The following S100PBP variants were observed in gnomAD, a reference collection of about 807,000 sequenced individuals.
The protein encoded by S100PBP is S100P binding protein.
A neutral mutation model predicts 39.9 loss-of-function variants in S100PBP; 15 were observed. The ratio of observed to expected loss-of-function variants is 0.38; its 90% confidence interval spans 0.25 to 0.58. The LOEUF is 0.58. Ranked by LOEUF, S100PBP falls within the 20% of genes least tolerant of loss-of-function variation. S100PBP has a pLI of 0.70. For synonymous variants in S100PBP, 178 were observed against 180.3 expected (o/e 0.99, Z 0.10); for missense variants, 504 against 487.3 (o/e 1.03, Z -0.32).
At chr1:32,832,213 T>G (rs900432041) in intron 5 of S100PBP, among the ~76,000 whole-genome samples, 2 of 152,158 alleles carry the variant, frequency 1.3e-5, no homozygotes, top group African/African-American at 4.8e-5. Context: ...AGTACCTAGC[T>G]CTAGTAACTA....
At position 32,826,221 on chromosome 1, in the gene S100PBP, T is replaced by C; in HGVS notation, c.122T>C (p.Leu41Pro). ...GGATTGGATGACTCCTTGCTGGAGC[T>C]GTCAGAGGGAGAAGAAGATGATGGT... is the stretch of plus-strand genomic sequence containing the variant. ...EDGLDDSLLE[L>P]SEGEEDDGDV... The change falls in exon 3 of 7, where the codon CTG becomes CCG. Residue 41 changes from leucine to proline, a missense_variant. Coordinates refer to ENST00000373475, the MANE Select transcript of S100PBP (RefSeq NM_022753.4). The C allele has an allele frequency of 6.2e-7, 1 of 1,614,142 alleles. No individual in the cohort carries two copies. The highest frequency in any genetic ancestry group is 8.5e-7 in the Non-Finnish European group (1 of 1,180,014).
chr1:32,829,903 A>G, intron 4 of S100PBP, 61 bp from the exon 5 acceptor site: 5 of 1,183,828 alleles, frequency 4.2e-6, no homozygotes, highest in Non-Finnish European at 6.3e-6. Context: ...TCTCTCTACA[A>G]AACGCTATAT....
intron 5 of S100PBP, among the ~76,000 whole-genome samples, chr1:32,838,355 AAAAG>A (rs1161031962): frequency 6.8e-6 from 1 of 147,874 alleles, no homozygotes; most frequent in African/African-American, 2.4e-5. Flanking sequence ...AAAAAAAAAG[AAAAG>A]AAAAGAAACT....
At chr1:32,840,106 T>C (rs1640018069) in intron 5 of S100PBP, among the ~76,000 whole-genome samples, 2 of 152,202 alleles carry the variant, frequency 1.3e-5, no homozygotes, top group Non-Finnish European at 2.9e-5. Flanking sequence ...TGTCTCAGCC[T>C]CCTGAGTAGC....
upstream of S100PBP, chr1:32,817,629 A>G (rs1638797054): frequency 6.6e-6 from 2 of 301,024 alleles, no homozygotes; most frequent in Non-Finnish European, 6.5e-6. Context: ...GGGCGATAAA[A>G]TGGCGCAGGG....
At chr1:32,816,861 C>T (rs1638754548), upstream of S100PBP, 1 of 516,052 alleles carries the variant, frequency 1.9e-6, no homozygotes, top group East Asian at 3.3e-5. Context: ...TTCAGACAAG[C>T]TCTGGCAGGC....
chr1:32,821,767 T>C (rs1002483101), intron 1 of S100PBP, among the ~76,000 whole-genome samples: 3 of 152,092 alleles, frequency 2.0e-5, no homozygotes, highest in Admixed American at 2.0e-4. Context: ...TCTGAATAGC[T>C]GGGGCTACAG....
At chr1:32,817,486 C>T (rs950191989), upstream of S100PBP, 1 of 608,900 alleles carries the variant, frequency 1.6e-6, no homozygotes, top group Non-Finnish European at 2.9e-6. Context: ...GTGGGCGGTG[C>T]GGAGGGCGGG....
rs145828252 is a variant in S100PBP at position 32,839,765 on chromosome 1, C to T, written c.1024+9698C>T. 2.6e-5 allele frequency among the ~76,000 whole-genome samples: 4 copies of T among 152,218 alleles called. No individual in the cohort carries two copies. In the East Asian group the frequency reaches 7.7e-4, roughly 29 times the overall value. The stretch of plus-strand genomic sequence containing the variant: ...GCTCAAACTATCCTCCCACCCCAGC[C>T]TCTTGAGTAACTGGGATTATAGGTG... On this transcript the variant is annotated intron_variant, in intron 5 of 6. Coordinates refer to ENST00000373475, the MANE Select transcript of S100PBP (RefSeq NM_022753.4).
intron 5 of S100PBP, among the ~76,000 whole-genome samples, chr1:32,841,071 G>A (rs909559453): frequency 1.3e-5 from 2 of 151,452 alleles, no homozygotes; most frequent in African/African-American, 4.8e-5. Flanking sequence ...TGAGGCAGGA[G>A]AATGGCGTGA....
intron 1 of S100PBP, chr1:32,820,518 G>C (rs1373782687): frequency 1.3e-5 from 2 of 152,204 alleles, no homozygotes; most frequent in African/African-American, 4.8e-5. Flanking sequence ...ATGGCCACCA[G>C]TTATTTGTCT....
At chr1:32,821,375 G>T (rs1379453412) in intron 1 of S100PBP, among the ~76,000 whole-genome samples, 1 of 152,150 alleles carries the variant, frequency 6.6e-6, no homozygotes, top group African/African-American at 2.4e-5. Context: ...AGGCTGGAGT[G>T]CAGTGGCGCG....
intron 1 of S100PBP, among the ~76,000 whole-genome samples, chr1:32,820,096 G>A (rs1277757506): frequency 6.6e-6 from 1 of 151,460 alleles, no homozygotes; most frequent in Non-Finnish European, 1.5e-5. Flanking sequence ...CAGGGTCTAG[G>A]GGAAATTCCC....
At chr1:32,831,376 C>T (rs569965094) in intron 5 of S100PBP, among the ~76,000 whole-genome samples, 12 of 151,708 alleles carry the variant, frequency 7.9e-5, no homozygotes, top group Non-Finnish European at 1.6e-4. Context: ...CCTAGGTGAG[C>T]TCCACAGAGA....
chr1:32,828,400 T>C (rs953845154), intron 4 of S100PBP, among the ~76,000 whole-genome samples: 3 of 152,102 alleles, frequency 2.0e-5, no homozygotes, highest in Admixed American at 6.5e-5. Context: ...TGGTCACATA[T>C]ATGATAAGAG....
chr1:32,821,253 C>T (rs780754799), intron 1 of S100PBP, among the ~76,000 whole-genome samples: 40 of 152,196 alleles, frequency 2.6e-4, no homozygotes, highest in African/African-American at 5.1e-4. Context: ...TCCTGAATTC[C>T]GGCCTTTCAT....
chr1:32,853,116 T>C lies in S100PBP; in HGVS notation c.1062T>C (p.Val354=), dbSNP rs1438945264. The change falls in exon 6 of 7, where the codon GTT becomes GTC. Residue 354 remains valine, a synonymous_variant. Transcript: ENST00000373475. ...AGCTTTGTGCCTTGATGGATCAAGT[T>C]CATCATATGCAGCACTCAAAATGGC... The part of the protein sequence containing the change: ...SGELCALMDQ[V]HHMQHSKWQH... The C allele has an allele frequency of 1.2e-6, 2 of 1,613,410 alleles. No homozygotes were observed. Among genetic ancestry groups the C allele is most frequent in the African/African-American group, 2.7e-5 (2 of 74,860 alleles).
rs896660834 is a variant in S100PBP, at chr1:32,856,188, G to A, written c.*150G>A. 3 of 491,408 alleles carry A rather than the reference G, an allele frequency of 6.1e-6. No individual in the cohort carries two copies. Among genetic ancestry groups the A allele is most frequent in the African/African-American group, 2.0e-5 (1 of 50,742 alleles). The allele number at this position is 491,408 out of a possible 1,614,324, so 30.4% of individuals were successfully genotyped here. ...AAAAAACTCGTCACCTTTTGGAAATGCCCATTGCCGACTTGAATTTTTTTG... is the reference window on the plus strand; with the variant it reads ...AAAAAACTCGTCACCTTTTGGAAATACCCATTGCCGACTTGAATTTTTTTG... On this transcript the variant is annotated 3_prime_UTR_variant, in exon 7 of 7. Coordinates refer to ENST00000373475, the MANE Select transcript of S100PBP (RefSeq NM_022753.4).
At chr1:32,830,185 T>C (rs1639533042) in intron 5 of S100PBP, 118 bp downstream of exon 5, 1 of 677,400 alleles carries the variant, frequency 1.5e-6, no homozygotes, top group East Asian at 2.7e-5. Flanking sequence ...GAAAGATAAC[T>C]TCCTTACTTA....
Sources: allele counts gnomAD v4.1 joint callset (sites outside exome capture counted in the v4.1 genomes callset), GRCh38; gene constraint gnomAD v4.1.1; transcripts MANE v1.5; gene names NCBI Gene and HGNC (gene_info 2026-07-23, HGNC 2026-07-21).